PCLO: variants seen among roughly 807,000 people sequenced by gnomAD.
The protein encoded by PCLO is piccolo presynaptic cytomatrix protein.
Under a neutral mutation model 427.5 loss-of-function variants are expected in PCLO, and 82 were observed. The ratio of observed to expected loss-of-function variants is 0.19; its 90% CI spans 0.16 to 0.23. The LOEUF is 0.23. Ranked by LOEUF, PCLO falls within the 10% of genes least tolerant of loss-of-function variation. The pLI is 1.00. For synonymous variants in PCLO, 2,357 were observed against 2,155.4 expected (o/e 1.09, Z -2.59); for missense variants, 6,239 against 6,115.9 (o/e 1.02, Z -0.67).
In PCLO at chr7:82,961,267, GT is replaced by G. The variant is rs367793344; in HGVS notation, c.4018-4333del. On this transcript the variant is annotated intron_variant, in intron 4 of 24. Transcript: ENST00000333891. ...GTCATGCTAGCAAAGTGGTCTGGAG[GT>G]TCAGGTGGGATTTTTTCTGACACAG... Among the ~76,000 whole-genome samples the G allele has an allele frequency of 2.9e-3, 449 of 152,300 alleles. 2 individuals are homozygous for G. The highest frequency in any genetic ancestry group is 0.01 in the African/African-American group (433 of 41,562).
At chr7:82,906,150 T>C (rs753367159) in intron 8 of PCLO, among the ~76,000 whole-genome samples, 1 of 151,974 alleles carries the variant, frequency 6.6e-6, no homozygotes, top group Non-Finnish European at 1.5e-5. Context: ...TTATAATTAA[T>C]ATGATTGTGT....
intron 6 of PCLO, among the ~76,000 whole-genome samples, chr7:82,927,775 C>T (rs982215544): frequency 6.6e-6 from 1 of 152,112 alleles, no homozygotes; most frequent in Non-Finnish European, 1.5e-5. Flanking sequence ...ATATTGCATT[C>T]CCTACATAAA....
chr7:83,059,054 AAT>A (rs1472389288), intron 3 of PCLO, among the ~76,000 whole-genome samples: 2 of 151,608 alleles, frequency 1.3e-5, no homozygotes, highest in Non-Finnish European at 2.9e-5. Context: ...CACAATCACC[AAT>A]AGTTTTATAA....
intron 3 of PCLO, among the ~76,000 whole-genome samples, chr7:83,023,711 C>T (rs1002397196): frequency 6.6e-6 from 1 of 152,180 alleles, no homozygotes; most frequent in Non-Finnish European, 1.5e-5. Context: ...GTACGGAAAG[C>T]TTACGATTGT....
chr7:83,104,384 A>G (rs1431834417), intron 3 of PCLO, among the ~76,000 whole-genome samples: 1 of 152,006 alleles, frequency 6.6e-6, no homozygotes, highest in African/African-American at 2.4e-5. Flanking sequence ...TAATATACGC[A>G]GAGAGTTCAC....
intron 22 of PCLO, among the ~76,000 whole-genome samples, chr7:82,784,664 C>T (rs1477543772): frequency 6.6e-6 from 1 of 152,130 alleles, no homozygotes; most frequent in Non-Finnish European, 1.5e-5. Context: ...TACTGTATTT[C>T]TTTTCAATTC....
At chr7:82,960,346 T>G (rs2115612809) in intron 4 of PCLO, among the ~76,000 whole-genome samples, 1 of 152,278 alleles carries the variant, frequency 6.6e-6, no homozygotes, top group African/African-American at 2.4e-5. Context: ...AGCACTATAA[T>G]ATGGGAGTCC....
chr7:82,873,996 A>G (rs980187145), intron 10 of PCLO, among the ~76,000 whole-genome samples: 7 of 152,170 alleles, frequency 4.6e-5, no homozygotes, highest in African/African-American at 1.7e-4. Context: ...TGCATTTTGT[A>G]TACTATTTTA....
rs372909168 is a variant in PCLO at position 82,955,559 on chromosome 7, T to C, written c.5394A>G (p.Gln1798=). 4.9e-4 allele frequency: 796 copies of C among 1,613,996 alleles called. No homozygotes were observed. The highest frequency in any genetic ancestry group is 4.9e-4 in the Middle Eastern group (3 of 6,062). Reference sequence around the variant, plus strand: ...ATTTTTTACTAGAACTCTTTCTTTGTTGCTGTTCTATTTCCCTCTGCTTTT... The same window carrying C: ...ATTTTTTACTAGAACTCTTTCTTTGCTGCTGTTCTATTTCCCTCTGCTTTT... ...EQEKQREIEQ[Q]QRKSSSKKSK... is the part of the protein sequence containing the mutation. The change falls in exon 5 of 25, where the codon CAA becomes CAG. Residue 1798 remains glutamine (Q), a synonymous_variant. Transcript: ENST00000333891.
chr7:83,001,676 A>AGTGGACTGGGC (rs1208344823), intron 3 of PCLO, among the ~76,000 whole-genome samples: 7 of 152,184 alleles, frequency 4.6e-5, no homozygotes, highest in African/African-American at 1.7e-4. Context: ...TCAGCTGGTG[A>AGTGGACTGGGC]GTGGACTGGG....
chr7:82,916,175 T>C lies in PCLO; in HGVS notation c.11811A>G (p.Thr3937=). ...GGGTTGGTGTAGGTTGAACTTGAGG[T>C]GTGAAGGACATTGTTGCCACAGCTT... ...TFQAVATMSF[T]PQVQPTPTPQ... is the part of the protein sequence containing the mutation. The change falls in exon 7 of 25, where the codon ACA becomes ACG. Residue 3937 remains threonine (T), a synonymous_variant. Coordinates refer to ENST00000333891, the MANE Select transcript of PCLO (RefSeq NM_033026.6). 6.2e-7 allele frequency: 1 copy of C among 1,613,534 alleles called. No individual in the cohort carries two copies.
intron 3 of PCLO, among the ~76,000 whole-genome samples, chr7:83,002,094 C>T (rs76415936): frequency 0.011 from 1,629 of 151,976 alleles, 38 homozygotes; most frequent in African/African-American, 0.035. Context: ...TCCACTTCTC[C>T]TCCTAGTTTT....
intron 3 of PCLO, among the ~76,000 whole-genome samples, chr7:82,974,356 T>C (rs1795969791): frequency 6.6e-6 from 1 of 152,076 alleles, no homozygotes; most frequent in South Asian, 2.1e-4. Flanking sequence ...ACTGTGTGAT[T>C]CTCAACTGAG....
intron 1 of PCLO, among the ~76,000 whole-genome samples, chr7:83,157,377 T>C (rs1444403285): frequency 6.6e-6 from 1 of 152,146 alleles, no homozygotes; most frequent in Non-Finnish European, 1.5e-5. Context: ...GGTATCCATA[T>C]ATCTTACTTA....
intron 3 of PCLO, among the ~76,000 whole-genome samples, chr7:83,107,758 A>C (rs1230875839): frequency 7.0e-6 from 1 of 142,426 alleles, no homozygotes; most frequent in African/African-American, 2.5e-5. Context: ...TGGGAGGCCA[A>C]GGGGGGCAGA....
chr7:82,848,147 C>T (rs955371542), intron 10 of PCLO, among the ~76,000 whole-genome samples: 4 of 151,830 alleles, frequency 2.6e-5, no homozygotes, highest in Admixed American at 6.6e-5. Context: ...GAGGGGTCCA[C>T]GTGTGGCATG....
intron 3 of PCLO, among the ~76,000 whole-genome samples, chr7:83,036,173 C>T (rs1458611544): frequency 6.6e-6 from 1 of 152,126 alleles, no homozygotes; most frequent in Non-Finnish European, 1.5e-5. Context: ...ACCCTCAAAT[C>T]TTACAAAACA....
chr7:83,039,682 C>T (rs187871065), intron 3 of PCLO, among the ~76,000 whole-genome samples: 439 of 152,124 alleles, frequency 2.9e-3, no homozygotes, highest in African/African-American at 9.8e-3. Context: ...AATCTGGGCC[C>T]CTTGTAATTC....
At chr7:82,996,371 A>T (rs1787613584) in intron 3 of PCLO, among the ~76,000 whole-genome samples, 3 of 151,972 alleles carry the variant, frequency 2.0e-5, no homozygotes. Context: ...TGAAAGTCCA[A>T]ATATTAGGAC....
Sources: gnomAD v4.1 joint callset for allele counts (sites outside exome capture counted in the v4.1 genomes callset) on GRCh38, gnomAD v4.1.1 for gene constraint, MANE v1.5 for transcripts, NCBI Gene and HGNC (gene_info 2026-07-23, HGNC 2026-07-21) for gene names.